SPATA3: variants seen among roughly 807,000 people sequenced by gnomAD.
SPATA3 encodes the protein spermatogenesis associated 3.
SPATA3 carries 6 observed loss-of-function variants against 5.7 expected under a neutral mutation model. That is an observed-to-expected ratio of 1.06 (90% confidence interval 0.58 to 2.09). SPATA3 has a LOEUF of 2.09. Among genes scored for constraint, SPATA3 ranks in the 30% most tolerant of loss-of-function variants. SPATA3 has a pLI of 0.00. For synonymous variants in SPATA3, 44 were observed against 48.4 expected, an observed-to-expected ratio of 0.91 and a Z score of 0.37; for missense variants, 155 against 130.4, an observed-to-expected ratio of 1.19 and a Z score of -0.92.
intron 1 of SPATA3, 136 bp downstream of exon 1, chr2:230,996,670 T>A (rs1692136430): frequency 8.5e-7 from 1 of 1,176,972 alleles, no homozygotes. Flanking sequence ...GTGGGAAGGT[T>A]TTTGTTTTTG....
chr2:231,018,452 T>TG (rs1365988498), intron 6 of SPATA3, among the ~76,000 whole-genome samples: 3 of 136,754 alleles, frequency 2.2e-5, no homozygotes, highest in African/African-American at 8.3e-5. Context: ...CCTTTCCATA[T>TG]GGTATAGAAA....
At chr2:231,002,298 C>T (rs966316381) in intron 2 of SPATA3, among the ~76,000 whole-genome samples, 1 of 152,182 alleles carries the variant, frequency 6.6e-6, no homozygotes, top group Non-Finnish European at 1.5e-5. Flanking sequence ...TATTATTTCC[C>T]AAGTTCCTTT....
At chr2:231,000,434 C>T (rs1279752054) in exon 2 of SPATA3, 6 of 1,547,818 alleles carry the variant, frequency 3.9e-6, no homozygotes, top group Non-Finnish European at 5.2e-6. Context: ...CGCTTGCTGG[C>T]GTCGTCTGGG....
chr2:231,009,859 G>T (rs1692738306), downstream of SPATA3, among the ~76,000 whole-genome samples: 1 of 152,244 alleles, frequency 6.6e-6, no homozygotes, highest in South Asian at 2.1e-4. Context: ...TTAAGATTTG[G>T]CTTAGGCCAT....
chr2:231,002,876 G>A (rs1220748933), downstream of SPATA3: 7 of 864,442 alleles, frequency 8.1e-6, no homozygotes, highest in Non-Finnish European at 1.1e-5. Context: ...TCTTCAGGTG[G>A]ACCAAGCCCC....
chr2:231,007,317 C>G (rs2125115008), downstream of SPATA3: 2 of 152,034 alleles, frequency 1.3e-5, no homozygotes, highest in South Asian at 4.1e-4. Flanking sequence ...TACTTAGAGA[C>G]ATAAAAGTTG....
chr2:231,018,851 A>AT (rs1692997633), intron 6 of SPATA3, among the ~76,000 whole-genome samples: 2 of 151,332 alleles, frequency 1.3e-5, no homozygotes, highest in Non-Finnish European at 2.9e-5. Flanking sequence ...CACCCAGCTA[A>AT]TTTTTTGTAT....
At position 231,012,978 on chromosome 2, in the gene SPATA3, G is replaced by A. The variant is rs139174681; in HGVS notation, c.*226+281G>A. ...CTCTGCCTCCTGCGCACTTGGACTT[G>A]TGCAGCTAAACTTTGGGAAGCTCAG... On this transcript the variant is annotated intron_variant, in intron 5 of 8. Transcript: ENST00000452881. Among the ~76,000 whole-genome samples, 1,095 of 152,276 alleles carry A rather than the reference G, an allele frequency of 7.2e-3. 16 individuals are homozygous for A. The highest frequency in any genetic ancestry group is 0.025 in the African/African-American group (1,022 of 41,548).
chr2:231,004,500 G>A (rs1313800195), downstream of SPATA3, among the ~76,000 whole-genome samples: 6 of 152,276 alleles, frequency 3.9e-5, no homozygotes, highest in African/African-American at 9.6e-5. Context: ...TGTCTAGTGG[G>A]GACAATAATA....
downstream of SPATA3, among the ~76,000 whole-genome samples, chr2:231,005,304 CCAT>C (rs1692544303): frequency 3.4e-4 from 5 of 14,608 alleles, no homozygotes; most frequent in South Asian, 1.8e-3. Flanking sequence ...ATCACCACCA[CCAT>C]CACCACCATC....
intron 1 of SPATA3, 99 bp downstream of exon 1, chr2:230,996,633 A>T (rs927582169): frequency 4.3e-6 from 6 of 1,395,830 alleles, no homozygotes; most frequent in Non-Finnish European, 3.9e-6. Flanking sequence ...TGCATGGTTA[A>T]CGTGTATCCT....
exon 3 of SPATA3, chr2:231,002,755 C>T (rs1559195916): frequency 6.5e-7 from 1 of 1,529,474 alleles, no homozygotes; most frequent in Non-Finnish European, 8.8e-7. Flanking sequence ...GGCTGTGGCT[C>T]TGGGGGCTCT....
At chr2:231,002,915 G>C (rs141982883), downstream of SPATA3, 92 of 543,272 alleles carry the variant, frequency 1.7e-4, no homozygotes, top group African/African-American at 1.7e-3. Flanking sequence ...TGCCAGTGGA[G>C]TGACTCCCTC....
chr2:231,012,129 A>G (rs543063318), downstream of SPATA3, among the ~76,000 whole-genome samples: 6 of 152,180 alleles, frequency 3.9e-5, no homozygotes, highest in Non-Finnish European at 8.8e-5. Flanking sequence ...CAGCGGCAAG[A>G]AGGAAAGTGT....
At position 230,998,673 on chromosome 2, in the gene SPATA3, A is replaced by G. The variant is rs150612607; in HGVS notation, c.791-1693A>G. ...TTTGTGTGCAGAAATATTGTAGCTC[A>G]AGAAAATGCCAGTCTTCCACTAGGA... On this transcript the variant is annotated intron_variant, in intron 1 of 2. Transcript: ENST00000645363. 3.0e-3 allele frequency among the ~76,000 whole-genome samples: 462 copies of G among 152,360 alleles called. 5 individuals are homozygous for G. The highest frequency in any genetic ancestry group is 0.014 in the South Asian group (67 of 4,826).
intron 6 of SPATA3, among the ~76,000 whole-genome samples, chr2:231,019,201 C>T (rs1389778041): frequency 6.6e-6 from 1 of 151,168 alleles, no homozygotes; most frequent in African/African-American, 2.4e-5. Context: ...GATCTCCCGA[C>T]CTTGTGATCC....
At chr2:230,996,899 T>G (rs1018373924) in intron 1 of SPATA3, among the ~76,000 whole-genome samples, 1 of 152,256 alleles carries the variant, frequency 6.6e-6, no homozygotes, top group Non-Finnish European at 1.5e-5. Flanking sequence ...GATACTGCTT[T>G]ATTCTGTCCT....
At chr2:230,997,339 G>A (rs1277329005) in intron 1 of SPATA3, among the ~76,000 whole-genome samples, 1 of 152,168 alleles carries the variant, frequency 6.6e-6, no homozygotes, top group Admixed American at 6.5e-5. Flanking sequence ...CTTCCACCAT[G>A]ATTGTGAGGC....
At chr2:230,997,658 A>G (rs1230535094) in intron 1 of SPATA3, among the ~76,000 whole-genome samples, 1 of 152,234 alleles carries the variant, frequency 6.6e-6, no homozygotes, top group Non-Finnish European at 1.5e-5. Context: ...CCCAACAATT[A>G]GCTCTGTCTG....
Sources: allele counts gnomAD v4.1 joint callset (sites outside exome capture counted in the v4.1 genomes callset), GRCh38; gene constraint gnomAD v4.1.1; transcripts MANE v1.5; gene names NCBI Gene and HGNC (gene_info 2026-07-23, HGNC 2026-07-21).